The following FHIT variants were observed in gnomAD, a reference collection of about 807,000 sequenced individuals.
FHIT encodes the protein fragile histidine triad diadenosine triphosphatase.
FHIT carries 19 observed loss-of-function variants against 17.9 expected under a neutral mutation model. That is an observed-to-expected ratio of 1.06 (90% CI 0.74 to 1.56). The LOEUF (loss-of-function observed/expected upper bound fraction) is 1.56, where lower values mean the gene tolerates loss of function less well. Among genes scored for constraint, FHIT ranks in the 40% most tolerant of loss-of-function variants. The pLI, the probability that FHIT is intolerant of heterozygous loss-of-function variation, is 0.00. For missense variants in FHIT, 248 were observed against 189.2 expected (o/e 1.31, Z -1.82); for synonymous variants, 81 against 69.7 (o/e 1.16, Z -0.81).
At chr3:60,433,305 T>G (rs1264207789) in intron 5 of FHIT, among the ~76,000 whole-genome samples, 1 of 152,110 alleles carries the variant, frequency 6.6e-6, no homozygotes, top group Non-Finnish European at 1.5e-5. Context: ...TCACATTTTC[T>G]TTATATATCC....
intron 5 of FHIT, among the ~76,000 whole-genome samples, chr3:60,477,120 A>G (rs1164756940): frequency 2.0e-5 from 3 of 152,206 alleles, no homozygotes; most frequent in Non-Finnish European, 4.4e-5. Context: ...TACAAAAATA[A>G]GCAATGAATT....
intron 2 of FHIT, among the ~76,000 whole-genome samples, chr3:61,091,632 A>G (rs1454441057): frequency 2.0e-5 from 3 of 152,196 alleles, no homozygotes; most frequent in Middle Eastern, 3.4e-3. Context: ...CTAAAAATCA[A>G]AGTAAAACTA....
chr3:60,748,262 G>C (rs1415054353), intron 4 of FHIT, among the ~76,000 whole-genome samples: 2 of 152,180 alleles, frequency 1.3e-5, no homozygotes, highest in Non-Finnish European at 2.9e-5. Flanking sequence ...CTTATGTTAG[G>C]TATTTGGGGG....
chr3:60,195,213 T>C (rs1340983349), intron 5 of FHIT, among the ~76,000 whole-genome samples: 1 of 151,798 alleles, frequency 6.6e-6, no homozygotes, highest in Non-Finnish European at 1.5e-5. Flanking sequence ...TAAGACACCA[T>C]TTTACCCCCT....
chr3:60,916,766 T>C (rs1158018516), intron 3 of FHIT, among the ~76,000 whole-genome samples: 6 of 152,180 alleles, frequency 3.9e-5, no homozygotes, highest in African/African-American at 1.2e-4. Flanking sequence ...TGCTCTATTA[T>C]ATCAATAAGC....
In FHIT at chr3:60,509,005, G is replaced by A. The variant is rs748849827; in HGVS notation, c.103+27855C>T. ...CTCTAGACCCACATAGTACATATCT[G>A]TGGTGTCTACCAGCTAAGCTTCTCT... On this transcript the variant is annotated intron_variant, in intron 5 of 9. Coordinates refer to ENST00000492590, the MANE Select transcript of FHIT (RefSeq NM_002012.4). 1.2e-3 allele frequency among the ~76,000 whole-genome samples: 183 copies of A among 152,248 alleles called. 1 individual carries two copies. The highest frequency in any genetic ancestry group is 1.6e-3 in the Non-Finnish European group (106 of 68,018).
chr3:59,873,477 G>C (rs1213772374), intron 8 of FHIT, among the ~76,000 whole-genome samples: 2 of 152,186 alleles, frequency 1.3e-5, no homozygotes, highest in Non-Finnish European at 2.9e-5. Flanking sequence ...CCCTTCTGCA[G>C]CACAGCCCCA....
chr3:59,883,695 C>T (rs1370422934), intron 8 of FHIT, among the ~76,000 whole-genome samples: 1 of 152,238 alleles, frequency 6.6e-6, no homozygotes, highest in African/African-American at 2.4e-5. Context: ...TACCGCACGT[C>T]TCTTTCCAAG....
At chr3:60,681,526 G>C (rs1020498679) in intron 4 of FHIT, among the ~76,000 whole-genome samples, 2 of 152,178 alleles carry the variant, frequency 1.3e-5, no homozygotes, top group African/African-American at 2.4e-5. Flanking sequence ...GGCGAGGAAG[G>C]CATGTCAAAA....
chr3:61,008,080 C>T (rs2031564865), intron 3 of FHIT, among the ~76,000 whole-genome samples: 1 of 152,152 alleles, frequency 6.6e-6, no homozygotes, highest in Non-Finnish European at 1.5e-5. Context: ...TGGTTTCTCC[C>T]AAGAGCCCTC....
intron 5 of FHIT, among the ~76,000 whole-genome samples, chr3:60,422,195 G>C (rs375628448): frequency 1.9e-4 from 29 of 152,058 alleles, no homozygotes. Context: ...TTGCTTTATC[G>C]TATGTCCCAA....
intron 2 of FHIT, among the ~76,000 whole-genome samples, chr3:61,182,616 T>C (rs1360315625): frequency 6.6e-6 from 1 of 152,166 alleles, no homozygotes; most frequent in Admixed American, 6.5e-5. Flanking sequence ...AAATTCATAC[T>C]AGAGAGTAAA....
chr3:59,927,966 G>C (rs1378474675), intron 7 of FHIT, among the ~76,000 whole-genome samples: 1 of 152,196 alleles, frequency 6.6e-6, no homozygotes, highest in Non-Finnish European at 1.5e-5. Flanking sequence ...CAGTGTGGTT[G>C]TATCGATATC....
intron 8 of FHIT, among the ~76,000 whole-genome samples, chr3:59,846,909 T>A (rs1019505650): frequency 2.0e-5 from 3 of 152,180 alleles, no homozygotes; most frequent in Non-Finnish European, 4.4e-5. Context: ...CTGAGCCTTC[T>A]GGCCTGTAAA....
chr3:60,630,092 A>T (rs1553682035), intron 4 of FHIT, among the ~76,000 whole-genome samples: 1 of 152,206 alleles, frequency 6.6e-6, no homozygotes, highest in African/African-American at 2.4e-5. Flanking sequence ...TGGTTCAAAC[A>T]GGAACCCTAC....
rs147239710 is a variant in FHIT at position 60,593,992 on chromosome 3, A to T, written c.-17-57013T>A. 2.1e-4 allele frequency among the ~76,000 whole-genome samples: 32 copies of T among 152,264 alleles called. No homozygotes were observed. The East Asian group carries it at 4.6e-3, about 22-fold the overall frequency. On this transcript the variant is annotated intron_variant, in intron 4 of 9. Coordinates refer to ENST00000492590, the MANE Select transcript of FHIT (RefSeq NM_002012.4). ...CAATGCTCTATCGACTTCTCATGGT[A>T]TATGAAAGTAATTAGGCTTCTCTGA...
At chr3:60,215,247 G>T (rs6808530) in intron 5 of FHIT, among the ~76,000 whole-genome samples, 24,693 of 151,994 alleles carry the variant, frequency 0.16, 2,552 homozygotes, top group African/African-American at 0.29. Context: ...ATCCCAGCAC[G>T]TTGGGAGGCC....
At chr3:60,771,595 C>T (rs1700043860) in intron 4 of FHIT, among the ~76,000 whole-genome samples, 1 of 152,132 alleles carries the variant, frequency 6.6e-6, no homozygotes, top group Non-Finnish European at 1.5e-5. Flanking sequence ...GCAAGTGAGA[C>T]CACTGAATAC....
intron 2 of FHIT, among the ~76,000 whole-genome samples, chr3:61,181,238 T>C (rs1178287607): frequency 6.6e-6 from 1 of 152,110 alleles, no homozygotes; most frequent in African/African-American, 2.4e-5. Context: ...ATGGCAATAA[T>C]AGTAACATTA....
Sources: allele counts gnomAD v4.1 joint callset (sites outside exome capture counted in the v4.1 genomes callset), GRCh38; gene constraint gnomAD v4.1.1; transcripts MANE v1.5; gene names NCBI Gene and HGNC (gene_info 2026-07-23, HGNC 2026-07-21).